Variants in ANOS1 observed in about 807,000 individuals in gnomAD.
ANOS1 encodes the protein anosmin 1.
In ANOS1, 6 loss-of-function variants were observed where a neutral mutation model predicts 59.0. The observed-to-expected ratio is 0.10, with a 90% CI of 0.06 to 0.20. The LOEUF is 0.20. Among genes scored for constraint, ANOS1 ranks in the 10% least tolerant of loss-of-function variants. The pLI, the probability that ANOS1 is intolerant of heterozygous loss-of-function variation, is 1.00. For synonymous variants in ANOS1, 217 were observed against 223.4 expected (o/e 0.97, Z 0.25); for missense variants, 433 against 542.3 (o/e 0.80, Z 2.00).
chrX:8,691,518 T>TGGATGGATGGATGGAC (rs2146893501), intron 2 of ANOS1, among the ~76,000 whole-genome samples: 1 of 111,408 alleles, frequency 9.0e-6, no homozygotes, highest in African/African-American at 3.3e-5. Context: ...GATGGATGGA[T>TGGATGGATGGATGGAC]GGATGGATGG....
chrX:8,529,641 C>A lies in ANOS1; in HGVS notation c.*3354G>T, dbSNP rs1174059715. The A allele has an allele frequency of 8.9e-6, 1 of 112,042 alleles. No individual in the cohort carries two copies. Among genetic ancestry groups the A allele is most frequent in the African/African-American group, 3.2e-5 (1 of 30,830 alleles). The allele number at this position is 112,042 out of a possible 1,213,427, so 9.2% of individuals were successfully genotyped here. ...ACACAGTTTAGGCCTTTGAAGTCAA[C>A]CATAATAACTTCTTAGCTGTCCCTT... is the stretch of plus-strand genomic sequence containing the variant. On this transcript the variant is annotated 3_prime_UTR_variant, in exon 14 of 14. Coordinates refer to ENST00000262648, the MANE Select transcript of ANOS1 (RefSeq NM_000216.4).
intron 8 of ANOS1, 25 bp downstream of exon 8, chrX:8,568,207 T>A (rs202183180): frequency 6.6e-6 from 8 of 1,203,237 alleles, no homozygotes; most frequent in Non-Finnish European, 9.0e-6. Context: ...ACAATCATCT[T>A]GAAAAACATG....
rs768901624 is a variant in ANOS1, at chrX:8,679,268, G to A, written c.255+20430C>T. Among the ~76,000 whole-genome samples the A allele has an allele frequency of 3.6e-5, 4 of 110,888 alleles. No individual in the cohort carries two copies. In the East Asian group the frequency reaches 1.1e-3, roughly 31 times the overall value. On this transcript the variant is annotated intron_variant, in intron 2 of 13. Transcript: ENST00000262648. ...ATAAAATTAAAAATCGGCTTTAAGAGGTAAAGCATGCTAAGAGAAATAAGG... is the reference window on the plus strand; with the variant it reads ...ATAAAATTAAAAATCGGCTTTAAGAAGTAAAGCATGCTAAGAGAAATAAGG...
chrX:8,703,426 C>T (rs1932766432), intron 1 of ANOS1, among the ~76,000 whole-genome samples: 1 of 112,092 alleles, frequency 8.9e-6, no homozygotes, highest in Non-Finnish European at 1.9e-5. Flanking sequence ...ATCTATGTGG[C>T]AGAAATGTGC....
intron 3 of ANOS1, among the ~76,000 whole-genome samples, chrX:8,610,040 A>AAAAAAAAAAAC (rs1569062444): frequency 2.2e-5 from 1 of 45,998 alleles, no homozygotes; most frequent in African/African-American, 8.5e-5. Context: ...AAAAAACAAC[A>AAAAAAAAAAAC]ACCTTTAAAG....
At chrX:8,668,112 G>C (rs1032554480) in intron 2 of ANOS1, among the ~76,000 whole-genome samples, 2 of 107,992 alleles carry the variant, frequency 1.9e-5, no homozygotes, top group African/African-American at 3.4e-5. Context: ...GGTGATTTGT[G>C]AGATTTTGGT....
chrX:8,597,407 T>C, intron 3 of ANOS1, 151 bp from the exon 4 acceptor site: 1 of 513,910 alleles, frequency 1.9e-6, no homozygotes, highest in Non-Finnish European at 3.3e-6. Flanking sequence ...TTTTCTCCTA[T>C]CCAAGTGACA....
intron 5 of ANOS1, among the ~76,000 whole-genome samples, chrX:8,587,117 G>T (rs900879588): frequency 2.4e-5 from 2 of 83,762 alleles, no homozygotes; most frequent in African/African-American, 8.0e-5. Flanking sequence ...ATCCATGTAG[G>T]GTTTGTGTGT....
At chrX:8,580,444 C>G (rs933147236) in intron 6 of ANOS1, among the ~76,000 whole-genome samples, 3 of 111,574 alleles carry the variant, frequency 2.7e-5, no homozygotes, top group East Asian at 2.8e-4. Context: ...TAAAAATACT[C>G]AGAAATGGTA....
At chrX:8,566,262 A>G in intron 8 of ANOS1, 2 of 752,822 alleles carry the variant, frequency 2.7e-6, no homozygotes, top group Non-Finnish European at 3.1e-6. Context: ...TTTATCTCCC[A>G]AATTCAAAAT....
intron 2 of ANOS1, among the ~76,000 whole-genome samples, chrX:8,664,433 T>C (rs1256930905): frequency 3.6e-5 from 4 of 110,567 alleles, no homozygotes; most frequent in Admixed American, 9.6e-5. Context: ...GACCTCGTGA[T>C]CCGCCCACCT....
intron 6 of ANOS1, among the ~76,000 whole-genome samples, chrX:8,581,931 G>T (rs1219226692): frequency 8.9e-6 from 1 of 111,902 alleles, no homozygotes; most frequent in Non-Finnish European, 1.9e-5. Context: ...TTTAAAGGTA[G>T]AAACAACAAC....
intron 6 of ANOS1, among the ~76,000 whole-genome samples, chrX:8,574,176 C>T (rs944517618): frequency 1.7e-4 from 19 of 110,315 alleles, no homozygotes; most frequent in African/African-American, 3.6e-4. Flanking sequence ...AGGAAAACCG[C>T]GATGCTACTG....
At chrX:8,711,126 T>C (rs1198401842) in intron 1 of ANOS1, among the ~76,000 whole-genome samples, 1 of 112,179 alleles carries the variant, frequency 8.9e-6, no homozygotes, top group African/African-American at 3.2e-5. Context: ...GGAATCTAAG[T>C]GTCCAATGAT....
intron 10 of ANOS1, among the ~76,000 whole-genome samples, chrX:8,538,294 G>C (rs1929630023): frequency 8.9e-6 from 1 of 112,398 alleles, no homozygotes; most frequent in African/African-American, 3.2e-5. Flanking sequence ...TATTGCATAG[G>C]AGACAGACAT....
intron 12 of ANOS1, chrX:8,535,041 AT>A (rs745610136): frequency 8.7e-6 from 1 of 115,115 alleles, no homozygotes. Context: ...CTCTTTTTGG[AT>A]TTTGTAACGG....
At chrX:8,639,877 CA>C (rs957541258) in intron 2 of ANOS1, among the ~76,000 whole-genome samples, 2 of 111,186 alleles carry the variant, frequency 1.8e-5, no homozygotes, top group African/African-American at 6.5e-5. Context: ...TGTTAATGAG[CA>C]AAATCAGTGA....
At chrX:8,711,329 A>G (rs1932811254) in intron 1 of ANOS1, among the ~76,000 whole-genome samples, 1 of 112,505 alleles carries the variant, frequency 8.9e-6, no homozygotes, top group Non-Finnish European at 1.9e-5. Context: ...AGATGAGTCA[A>G]TTGGGGCTCA....
chrX:8,581,084 C>T, intron 6 of ANOS1, among the ~76,000 whole-genome samples: 1 of 109,699 alleles, frequency 9.1e-6, no homozygotes, highest in Non-Finnish European at 1.9e-5. Context: ...CTATCTCTCA[C>T]GTTGACAAAT....
Sources: allele counts gnomAD v4.1 joint callset (sites outside exome capture counted in the v4.1 genomes callset), GRCh38; gene constraint gnomAD v4.1.1; transcripts MANE v1.5; gene names NCBI Gene and HGNC (gene_info 2026-07-23, HGNC 2026-07-21).